Variants in CELF2 observed in about 807,000 individuals in gnomAD.
CELF2 encodes the protein CUG triplet repeat RNA-binding protein 2.
CELF2 carries 8 observed loss-of-function variants against 62.6 expected under a neutral mutation model. That is an observed-to-expected ratio of 0.13 (90% CI 0.07 to 0.23). CELF2 has a LOEUF of 0.23. CELF2 is among the 10% of genes least tolerant of loss of function. CELF2 has a pLI of 1.00. For synonymous variants in CELF2, 258 were observed against 250.0 expected (o/e 1.03, Z -0.30); for missense variants, 333 against 671.0 (o/e 0.50, Z 5.56).
At chr10:10,505,905 C>A in the CELF2 span, among the ~76,000 whole-genome samples, 1 of 152,146 alleles carries the variant, frequency 6.6e-6, no homozygotes, top group Admixed American at 6.5e-5. Flanking sequence ...GAACTCATCA[C>A]CATGTTATCT....
intron 1 of CELF2, among the ~76,000 whole-genome samples, chr10:10,801,107 C>T (rs1054081605): frequency 7.9e-5 from 12 of 151,828 alleles, no homozygotes; most frequent in Non-Finnish European, 1.3e-4. Context: ...TTGTTTTTCC[C>T]CTAAACATGC....
At chr10:11,136,417 CG>C (rs1195884222) in intron 1 of CELF2, among the ~76,000 whole-genome samples, 2 of 152,066 alleles carry the variant, frequency 1.3e-5, no homozygotes, top group South Asian at 4.2e-4. Context: ...GCCTGCCCAA[CG>C]TGGCGAAACT....
the CELF2 span, among the ~76,000 whole-genome samples, chr10:10,610,680 G>T: frequency 1.3e-5 from 2 of 152,242 alleles, no homozygotes; most frequent in African/African-American, 4.8e-5. Flanking sequence ...GTCCTTCCAT[G>T]CTAATAAATG....
chr10:10,937,868 G>A (rs1286442080), intron 2 of CELF2, among the ~76,000 whole-genome samples: 1 of 152,116 alleles, frequency 6.6e-6, no homozygotes, highest in African/African-American at 2.4e-5. Context: ...GGGAAAGAGG[G>A]ACTATGAATT....
chr10:11,143,731 C>T (rs928108922), intron 1 of CELF2, among the ~76,000 whole-genome samples: 8 of 151,814 alleles, frequency 5.3e-5, no homozygotes, highest in Non-Finnish European at 1.0e-4. Flanking sequence ...TAGTATAGAC[C>T]TTGCATTAAC....
At chr10:10,683,217 G>A in the CELF2 span, among the ~76,000 whole-genome samples, 1 of 152,072 alleles carries the variant, frequency 6.6e-6, no homozygotes, top group Non-Finnish European at 1.5e-5. Context: ...AGCTATTTTC[G>A]AAACATTCTC....
chr10:11,174,766 A>T (rs796218739), intron 2 of CELF2, among the ~76,000 whole-genome samples: 15 of 152,340 alleles, frequency 9.8e-5, no homozygotes, highest in African/African-American at 3.1e-4. Context: ...GTCTGCATTT[A>T]CTAAGTTCAT....
rs552436190 is a variant in CELF2 at position 11,269,360 on chromosome 10, C to G, written c.619-1306C>G. Among the ~76,000 whole-genome samples, 1 of 152,074 alleles carries G rather than the reference C, an allele frequency of 6.6e-6. No homozygotes were observed. The highest frequency in any genetic ancestry group is 2.4e-5 in the African/African-American group (1 of 41,392). ...TTTCTCACTTTTTTTTATTAACAGACATGATATCCTCATGTATTCAGAACT... is the reference window on the plus strand; with the variant it reads ...TTTCTCACTTTTTTTTATTAACAGAGATGATATCCTCATGTATTCAGAACT... On this transcript the variant is annotated intron_variant, in intron 6 of 12. Transcript: ENST00000633077. The surrounding 1 kb of genome is among the most constrained non-coding windows in gnomAD (Gnocchi z 4.4).
chr10:10,497,419 A>G, the CELF2 span, among the ~76,000 whole-genome samples: 1 of 152,210 alleles, frequency 6.6e-6, no homozygotes, highest in African/African-American at 2.4e-5. Context: ...AAAATACAGC[A>G]ATGGAACAAC....
intron 3 of CELF2, among the ~76,000 whole-genome samples, chr10:11,230,905 C>G (rs996130289): frequency 2.6e-5 from 4 of 152,330 alleles, no homozygotes; most frequent in African/African-American, 9.6e-5. Context: ...GTGTAGAGTC[C>G]TGCTGTTTCA....
intron 1 of CELF2, among the ~76,000 whole-genome samples, chr10:11,073,811 G>A (rs76018988): frequency 0.013 from 1,962 of 152,242 alleles, 15 homozygotes; most frequent in Middle Eastern, 0.024. Context: ...AATGTCCTTC[G>A]TGTTTTACCT....
At chr10:11,078,445 C>T (rs186386140) in intron 1 of CELF2, among the ~76,000 whole-genome samples, 1 of 152,210 alleles carries the variant, frequency 6.6e-6, no homozygotes, top group East Asian at 1.9e-4. Context: ...TAACACAGTC[C>T]CAAGTCGAAA....
chr10:10,694,653 C>T, the CELF2 span, among the ~76,000 whole-genome samples: 2 of 151,566 alleles, frequency 1.3e-5, no homozygotes, highest in Admixed American at 1.3e-4. Flanking sequence ...GTCTAAGTCT[C>T]TTTGTAGGTC....
chr10:10,797,408 A>T (rs571656536), upstream of CELF2, among the ~76,000 whole-genome samples: 15 of 151,912 alleles, frequency 9.9e-5, 1 homozygote, highest in South Asian at 2.3e-3. Context: ...AAAAAAAAAG[A>T]CCTAAATCAG....
At chr10:10,479,523 G>A in the CELF2 span, among the ~76,000 whole-genome samples, 7 of 152,148 alleles carry the variant, frequency 4.6e-5, no homozygotes, top group Admixed American at 1.3e-4. Context: ...GATAAGTATC[G>A]TGATGGTAAG....
the CELF2 span, among the ~76,000 whole-genome samples, chr10:10,465,084 T>G: frequency 6.6e-6 from 1 of 152,178 alleles, no homozygotes; most frequent in Non-Finnish European, 1.5e-5. Context: ...TACACATTGT[T>G]ATTTTACACA....
the CELF2 span, among the ~76,000 whole-genome samples, chr10:10,594,819 A>G: frequency 6.6e-6 from 1 of 152,154 alleles, no homozygotes; most frequent in Non-Finnish European, 1.5e-5. Flanking sequence ...TCTTCCAGGC[A>G]GAAGAGATTC....
At chr10:10,730,968 A>G in the CELF2 span, among the ~76,000 whole-genome samples, 1 of 152,196 alleles carries the variant, frequency 6.6e-6, no homozygotes, top group Non-Finnish European at 1.5e-5. Context: ...GAAGTCCCTG[A>G]TATTGTCCTG....
At chr10:10,808,073 C>A (rs1214718623) in intron 1 of CELF2, among the ~76,000 whole-genome samples, 1 of 152,062 alleles carries the variant, frequency 6.6e-6, no homozygotes, top group Non-Finnish European at 1.5e-5. Context: ...TGAAGATGGC[C>A]ATGGTTAAAG....
Sources: allele counts gnomAD v4.1 joint callset (sites outside exome capture counted in the v4.1 genomes callset), GRCh38; gene constraint gnomAD v4.1.1; non-coding constraint Gnocchi (gnomAD v3.1); transcripts MANE v1.5; gene names NCBI Gene and HGNC (gene_info 2026-07-23, HGNC 2026-07-21).